The following PHF1 variants were observed in gnomAD, a reference collection of about 807,000 sequenced individuals.
PHF1 encodes polycomb-like 1.
A neutral mutation model predicts 69.4 loss-of-function variants in PHF1; 16 were observed. The ratio of observed to expected loss-of-function variants is 0.23; its 90% CI spans 0.16 to 0.35. The LOEUF (loss-of-function observed/expected upper bound fraction) is 0.35, where lower values mean the gene tolerates loss of function less well. Ranked by LOEUF, PHF1 falls within the 10% of genes least tolerant of loss-of-function variation. PHF1 has a pLI of 1.00. For synonymous variants in PHF1, 274 were observed against 275.0 expected, an observed-to-expected ratio of 1.00 and a Z score of 0.04; for missense variants, 515 against 732.8, an observed-to-expected ratio of 0.70 and a Z score of 3.43.
chr6:33,412,863 C>T lies in PHF1; in HGVS notation c.337+70C>T. On this transcript the variant is annotated intron_variant, in intron 4 of 14. Transcript: ENST00000374516. This position sits in a 1 kb window ranked among gnomAD's most constrained non-coding sequence, Gnocchi z 4.2. ...CAGGATGGTCTCTATATCACCTGTC[C>T]TGGCCTTAGTCCCCAAGCCACTGCT... is the stretch of plus-strand genomic sequence containing the variant. The T allele has an allele frequency of 7.7e-7, 1 of 1,297,458 alleles. No homozygotes were observed. The highest frequency in any genetic ancestry group is 1.1e-6 in the Non-Finnish European group (1 of 894,462). 80.4% of individuals were successfully genotyped at this position (1,297,458 alleles called of 1,614,324 possible).
At chr6:33,415,752 C>T in intron 14 of PHF1, 58 bp from the exon 15 acceptor site, 1 of 1,603,366 alleles carries the variant, frequency 6.2e-7, no homozygotes, top group Non-Finnish European at 8.5e-7. Context: ...CACTGTTTCT[C>T]TGATTCACAT....
chr6:33,414,913 G>A lies in PHF1; in HGVS notation c.1050-42G>A. Reference sequence around the variant, plus strand: ...GTATAGAGATGGGGAGGTCTTGGGGGTGTCCGGGAGGGGGCTGGGGGGATA... The same window carrying A: ...GTATAGAGATGGGGAGGTCTTGGGGATGTCCGGGAGGGGGCTGGGGGGATA... On this transcript the variant is annotated intron_variant, in intron 11 of 14. Transcript: ENST00000374516. This position sits in a 1 kb window ranked among gnomAD's most constrained non-coding sequence, Gnocchi z 5.0. 3 of 1,522,054 alleles carry A rather than the reference G, an allele frequency of 2.0e-6. No homozygotes were observed. Among genetic ancestry groups the A allele is most frequent in the Non-Finnish European group, 1.8e-6 (2 of 1,132,596 alleles). The allele number at this position is 1,522,054 out of a possible 1,614,324, so 94.3% of individuals were successfully genotyped here.
rs557341857 is a variant in PHF1, at chr6:33,416,400, C to T, written c.*302C>T. 5.7e-6 allele frequency: 3 copies of T among 524,042 alleles called. No homozygotes were observed. The South Asian group carries it at 9.8e-5, about 17-fold the overall frequency. The allele number at this position is 524,042 out of a possible 1,614,324, so 32.5% of individuals were successfully genotyped here. ...CTGAGGAGGGAGGATGATAAGGGAT[C>T]CCGGACTCTGTATGATTGAAATAAA... On this transcript the variant is annotated 3_prime_UTR_variant, in exon 15 of 15. Transcript: ENST00000374516.
In PHF1 at chr6:33,413,683, C is replaced by A. The variant is rs1381807117; in HGVS notation, c.588-53C>A. The A allele has an allele frequency of 2.5e-6, 4 of 1,599,122 alleles. No homozygotes were observed. In the African/African-American group the frequency reaches 5.4e-5, roughly 21 times the overall value. On this transcript the variant is annotated intron_variant, in intron 6 of 14. Transcript: ENST00000374516. ...TAGGAGGTAAGTTTAGGGTTTGGGA[C>A]AGTTATGGGGAAGGGGGTTTCTGGA...
At position 33,413,541 on chromosome 6, in the gene PHF1, T is replaced by TG; in HGVS notation, c.572dup (p.Cys191TrpfsTer23). 1 of 1,614,178 alleles carries TG rather than the reference T, an allele frequency of 6.2e-7. No homozygotes were observed. Among genetic ancestry groups the TG allele is most frequent in the Non-Finnish European group, 8.5e-7 (1 of 1,180,020 alleles). ...CAACCGACAGCAGAGTTACTGTTAC[T>TG]GTGGTGGCCCTGGGGAGTGAGTAAT... On this transcript the variant is annotated frameshift_variant, in exon 6 of 15. Transcript: ENST00000374516. LOFTEE classifies it high-confidence loss of function.
intron 7 of PHF1, 102 bp from the exon 8 acceptor site, chr6:33,413,939 A>G (rs963901269): frequency 3.2e-6 from 5 of 1,539,320 alleles, no homozygotes; most frequent in Non-Finnish European, 4.5e-6. Context: ...CAACCTCTGC[A>G]GCGTTACCTC....
chr6:33,415,200 AG>A, intron 12 of PHF1, 34 bp from the exon 13 acceptor site: 1 of 1,613,056 alleles, frequency 6.2e-7, no homozygotes. Flanking sequence ...GAAGGAGTCA[AG>A]GATTATCTCT....
In PHF1 at chr6:33,412,248, GC is replaced by G. The variant is rs545536336; in HGVS notation, c.-9del. 5.0e-6 allele frequency: 8 copies of G among 1,600,360 alleles called. No homozygotes were observed. The highest frequency in any genetic ancestry group is 1.1e-5 in the South Asian group (1 of 90,730). ...TCCTCCCCATTTCTTTTCTGGCTAG[GC>G]CCCCCCAGGATGCAATGGCGCAGCC... On this transcript the variant is annotated splice_region_variant and 5_prime_UTR_variant, in exon 2 of 15. Transcript: ENST00000374516. The surrounding 1 kb of genome is among the most constrained non-coding windows in gnomAD (Gnocchi z 4.2).
chr6:33,412,448 T>C lies in PHF1; in HGVS notation c.159+26T>C, dbSNP rs775426396. The C allele has an allele frequency of 5.6e-6, 9 of 1,614,218 alleles. No individual in the cohort carries two copies. The East Asian group carries it at 2.0e-4, about 36-fold the overall frequency. ...GTAAGACCTTCTACCTCTGACCTTC[T>C]TCCTAGTTCCCTTATCTAATTCTGG... is the stretch of plus-strand genomic sequence containing the variant. On this transcript the variant is annotated intron_variant, in intron 2 of 14. Transcript: ENST00000374516. The surrounding 1 kb of genome is among the most constrained non-coding windows in gnomAD (Gnocchi z 4.2).
intron 1 of PHF1, among the ~76,000 whole-genome samples, chr6:33,411,829 G>C (rs1486263608): frequency 1.3e-5 from 2 of 152,120 alleles, no homozygotes. Flanking sequence ...GGAGATGGGG[G>C]CACAGATACT....
At position 33,416,168 on chromosome 6, in the gene PHF1, C is replaced by G; in HGVS notation, c.*70C>G. The G allele has an allele frequency of 7.5e-7, 1 of 1,340,440 alleles. No homozygotes were observed. Among genetic ancestry groups the G allele is most frequent in the Non-Finnish European group, 1.0e-6 (1 of 994,270 alleles). The allele number at this position is 1,340,440 out of a possible 1,614,324, so 83.0% of individuals were successfully genotyped here. On this transcript the variant is annotated 3_prime_UTR_variant, in exon 15 of 15. Transcript: ENST00000374516. The stretch of plus-strand genomic sequence containing the variant: ...TTCATACCCTGACCTCTGACCTCAC[C>G]TACAGCTGGGATGTACCTGGAGAGA...
chr6:33,416,289 C>T lies in PHF1; in HGVS notation c.*191C>T. ...TACCCTCCTTCATGATTCCTGACCC[C>T]TCCCATCCTTCCCATTTCCTTTGAT... On this transcript the variant is annotated 3_prime_UTR_variant, in exon 15 of 15. Coordinates refer to ENST00000374516, the MANE Select transcript of PHF1 (RefSeq NM_024165.3). The T allele has an allele frequency of 2.0e-6, 1 of 494,614 alleles. No individual in the cohort carries two copies. The highest frequency in any genetic ancestry group is 4.2e-5 in the South Asian group (1 of 23,926). 30.6% of individuals were successfully genotyped at this position (494,614 alleles called of 1,614,324 possible). A position where few individuals can be genotyped will look rare whatever the true frequency, so the allele number is the denominator to read the frequency against.
At chr6:33,411,807 T>G (rs1248879421) in intron 1 of PHF1, among the ~76,000 whole-genome samples, 1 of 151,960 alleles carries the variant, frequency 6.6e-6, no homozygotes, top group Non-Finnish European at 1.5e-5. Flanking sequence ...TATCAAGGTG[T>G]CTCAGGGATT....
In PHF1 at chr6:33,415,340, C is replaced by T. The variant is rs1562857382; in HGVS notation, c.1334+11C>T. 5 of 1,594,520 alleles carry T rather than the reference C, an allele frequency of 3.1e-6. No individual in the cohort carries two copies. The highest frequency in any genetic ancestry group is 4.3e-6 in the Non-Finnish European group (5 of 1,164,086). ...CCGCTGCCTGCCCAGGTCAGTGCTC[C>T]TCTGCCCCTCCCCCACAAAATATGC... On this transcript the variant is annotated intron_variant, in intron 13 of 14. Transcript: ENST00000374516.
At chr6:33,411,410 C>G (rs1441372870) in intron 1 of PHF1, among the ~76,000 whole-genome samples, 195 bp downstream of exon 1, 1 of 152,042 alleles carries the variant, frequency 6.6e-6, no homozygotes, top group Non-Finnish European at 1.5e-5. Flanking sequence ...GAGAAGTTGT[C>G]TAACCCGGGG....
Position 33,414,648 on chromosome 6 carries a change from A to G in PHF1, c.945-77A>G, listed in dbSNP as rs1190146244. 2 of 1,538,796 alleles carry G rather than the reference A, an allele frequency of 1.3e-6. No homozygotes were observed. Among genetic ancestry groups the G allele is most frequent in the Admixed American group, 1.7e-5 (1 of 59,496 alleles). ...CAACCCACCTGGAAGACTGTGACTGAAAAGGATTGAGGAATGGCGTAAGGA... is the reference window on the plus strand; with the variant it reads ...CAACCCACCTGGAAGACTGTGACTGGAAAGGATTGAGGAATGGCGTAAGGA... On this transcript the variant is annotated intron_variant, in intron 10 of 14. Transcript: ENST00000374516. The surrounding 1 kb of genome is among the most constrained non-coding windows in gnomAD (Gnocchi z 5.0).
Position 33,414,800 on chromosome 6 carries a change from G to T in PHF1, c.1020G>T (p.Glu340Asp). Residue 340 changes from glutamate (E) to aspartate (D), a missense_variant, in exon 11 of 15, where the codon GAG becomes GAT. By Grantham distance (45) the Glu-to-Asp change is conservative. Transcript: ENST00000374516. This position sits in a 1 kb window ranked among gnomAD's most constrained non-coding sequence, Gnocchi z 5.0. ...GLHARMPPPV[E>D]PPTGDGALTS... ...ATGCTCGGATGCCTCCCCCTGTGGA[G>T]CCCCCTACTGGAGATGGAGCACTCA... The T allele has an allele frequency of 6.2e-7, 1 of 1,613,716 alleles. No homozygotes were observed. The highest frequency in any genetic ancestry group is 8.5e-7 in the Non-Finnish European group (1 of 1,179,780).
Position 33,412,614 on chromosome 6 carries a change from G to A in PHF1, c.241+25G>A. On this transcript the variant is annotated intron_variant, in intron 3 of 14. Transcript: ENST00000374516. The surrounding 1 kb of genome is among the most constrained non-coding windows in gnomAD (Gnocchi z 4.2). ...GGTAAGACTCTAGAGACCTGAGATT[G>A]CACATCCCATGGAAAACAAACCTGG... The A allele has an allele frequency of 3.1e-6, 5 of 1,613,252 alleles. No homozygotes were observed. Among genetic ancestry groups the A allele is most frequent in the Non-Finnish European group, 4.2e-6 (5 of 1,179,156 alleles).
chr6:33,415,414 C>A, intron 13 of PHF1, 85 bp downstream of exon 13: 1 of 1,296,298 alleles, frequency 7.7e-7, no homozygotes, highest in Non-Finnish European at 1.1e-6. Flanking sequence ...ATTCTTTTCC[C>A]TCTCCCCCTT....
Sources: allele counts gnomAD v4.1 joint callset (sites outside exome capture counted in the v4.1 genomes callset), GRCh38; gene constraint gnomAD v4.1.1; non-coding constraint Gnocchi (gnomAD v3.1); transcripts MANE v1.5; gene names NCBI Gene and HGNC (gene_info 2026-07-23, HGNC 2026-07-21).